Variants in ADAM12 observed in about 807,000 individuals in gnomAD.
The protein encoded by ADAM12 is disintegrin and metalloproteinase domain-containing protein 12.
ADAM12 carries 70 observed loss-of-function variants against 106.4 expected under a neutral mutation model. The ratio of observed to expected loss-of-function variants is 0.66; its 90% confidence interval spans 0.54 to 0.80. The LOEUF is 0.80. Among genes scored for constraint, ADAM12 ranks in the 30% least tolerant of loss-of-function variants. The probability of loss-of-function intolerance (pLI) is 0.00; values close to 1 mark genes in which losing one functional copy is unlikely to be tolerated. For missense variants in ADAM12, 1,010 were observed against 1,171.9 expected, an observed-to-expected ratio of 0.86 and a Z score of 2.02; for synonymous variants, 420 against 433.5, an observed-to-expected ratio of 0.97 and a Z score of 0.39.
chr10:126,192,219 A>T (rs1464116126), intron 3 of ADAM12, among the ~76,000 whole-genome samples: 1 of 152,212 alleles, frequency 6.6e-6, no homozygotes, highest in African/African-American at 2.4e-5. Flanking sequence ...TTTCATTTTA[A>T]AAATGAGGAC....
chr10:126,197,697 C>T (rs1410085419), intron 3 of ADAM12, among the ~76,000 whole-genome samples: 1 of 152,208 alleles, frequency 6.6e-6, no homozygotes, highest in Non-Finnish European at 1.5e-5. Context: ...GCCTGCCTGG[C>T]TGCATTTGGT....
At chr10:126,347,817 A>T (rs1855205153) in intron 1 of ADAM12, among the ~76,000 whole-genome samples, 1 of 152,234 alleles carries the variant, frequency 6.6e-6, no homozygotes, top group Non-Finnish European at 1.5e-5. Flanking sequence ...AATATTAAAC[A>T]GGTTTATTTC....
intron 2 of ADAM12, among the ~76,000 whole-genome samples, chr10:126,320,160 T>C (rs1854045886): frequency 6.6e-6 from 1 of 152,240 alleles, no homozygotes; most frequent in Non-Finnish European, 1.5e-5. Flanking sequence ...AAACTAAATT[T>C]AAATTCATTT....
intron 1 of ADAM12, among the ~76,000 whole-genome samples, chr10:126,338,409 C>T (rs1028242643): frequency 2.6e-5 from 4 of 151,442 alleles, no homozygotes; most frequent in Admixed American, 6.6e-5. Flanking sequence ...CCCGCCACTA[C>T]GCCCGGCTAA....
At chr10:126,036,062 A>C in intron 21 of ADAM12, 84 bp downstream of exon 21, 1 of 1,229,210 alleles carries the variant, frequency 8.1e-7, no homozygotes, top group Non-Finnish European at 1.0e-6. Flanking sequence ...CGAGAAGTTA[A>C]GCAACTTATC....
intron 14 of ADAM12, among the ~76,000 whole-genome samples, chr10:126,051,516 T>TCCAGCCAG (rs1954488088): frequency 5.6e-5 from 8 of 141,976 alleles, no homozygotes; most frequent in Admixed American, 2.1e-4. Context: ...CATCCATCCA[T>TCCAGCCAG]CCATCCAGCC....
chr10:126,127,294 A>T (rs1305231485), intron 5 of ADAM12, among the ~76,000 whole-genome samples: 1 of 152,228 alleles, frequency 6.6e-6, no homozygotes, highest in African/African-American at 2.4e-5. Flanking sequence ...GAGCACCACA[A>T]GTGCAAAGGT....
intron 3 of ADAM12, among the ~76,000 whole-genome samples, chr10:126,210,081 T>C (rs774602148): frequency 8.5e-5 from 13 of 152,244 alleles, no homozygotes; most frequent in Non-Finnish European, 1.5e-4. Flanking sequence ...CTCAACTCGA[T>C]GACTGAATCT....
chr10:126,263,029 C>G (rs1345475818), intron 3 of ADAM12, among the ~76,000 whole-genome samples: 8 of 152,178 alleles, frequency 5.3e-5, no homozygotes, highest in Admixed American at 3.9e-4. Context: ...CACTCAGCAC[C>G]ATGTGGAAGG....
chr10:126,369,997 G>A (rs1476574612), intron 1 of ADAM12, among the ~76,000 whole-genome samples: 3 of 152,140 alleles, frequency 2.0e-5, no homozygotes, highest in Non-Finnish European at 4.4e-5. Context: ...CCTTGATGAA[G>A]CAAGCTTCTA....
intron 2 of ADAM12, among the ~76,000 whole-genome samples, chr10:126,300,577 A>G (rs1214850054): frequency 6.6e-6 from 1 of 152,232 alleles, no homozygotes; most frequent in Non-Finnish European, 1.5e-5. Context: ...ACATTTTAAA[A>G]AGACGGTTTT....
chr10:126,045,469 A>C (rs11244783), intron 17 of ADAM12, among the ~76,000 whole-genome samples: 20,060 of 152,254 alleles, frequency 0.13, 1,410 homozygotes, highest in Middle Eastern at 0.28. Flanking sequence ...GGTTTCAGGA[A>C]AACAAATGAA....
intron 3 of ADAM12, among the ~76,000 whole-genome samples, chr10:126,165,805 T>G (rs556802297): frequency 6.6e-6 from 1 of 152,376 alleles, no homozygotes; most frequent in African/African-American, 2.4e-5. Flanking sequence ...GCTATTTCTC[T>G]TCACACGCAA....
chr10:126,320,015 C>G (rs1014509211), intron 2 of ADAM12, among the ~76,000 whole-genome samples: 4 of 152,050 alleles, frequency 2.6e-5, no homozygotes, highest in African/African-American at 9.7e-5. Flanking sequence ...GCATTCTCAA[C>G]GGGGATGAGC....
chr10:126,098,448 A>G lies in ADAM12; in HGVS notation c.964T>C (p.Cys322Arg). Residue 322 changes from cysteine to arginine, a missense_variant, in exon 10 of 23, where the codon TGC (cysteine) becomes CGC (arginine). This residue lies in a region of ADAM12 where 391 missense variants were observed against 442.9 expected (regional missense o/e 0.88). Coordinates refer to ENST00000448723, the MANE Select transcript of ADAM12 (RefSeq NM_001288973.2). ...TIGMAPIMSM[C>R]TADQSGGIVM... ...ATTCCCCCAGACTGGTCTGCCGTGC[A>G]CATGCTCATGATTGGGGCCATGCCG... 6.2e-7 allele frequency: 1 copy of G among 1,614,166 alleles called. No homozygotes were observed. Among genetic ancestry groups the G allele is most frequent in the Non-Finnish European group, 8.5e-7 (1 of 1,180,006 alleles).
intron 3 of ADAM12, among the ~76,000 whole-genome samples, chr10:126,270,529 T>G (rs1959170017): frequency 6.6e-6 from 1 of 152,222 alleles, no homozygotes; most frequent in African/African-American, 2.4e-5. Context: ...TTTATTTAAA[T>G]TAAACTTAAT....
chr10:126,193,932 A>G (rs973028816), intron 3 of ADAM12, among the ~76,000 whole-genome samples: 3 of 137,916 alleles, frequency 2.2e-5, no homozygotes, highest in African/African-American at 8.7e-5. Context: ...ATAAAATAAA[A>G]TAAAATAAAA....
chr10:126,055,718 G>A (rs957126770), intron 14 of ADAM12, among the ~76,000 whole-genome samples: 5 of 152,034 alleles, frequency 3.3e-5, no homozygotes, highest in East Asian at 1.9e-4. Flanking sequence ...TTTCCTCTTC[G>A]GAACCACCAA....
At chr10:126,135,776 T>A (rs1217563977) in intron 4 of ADAM12, 116 bp from the exon 5 acceptor site, 1 of 899,290 alleles carries the variant, frequency 1.1e-6, no homozygotes, top group African/African-American at 1.7e-5. Flanking sequence ...AAAATATTGT[T>A]CTACAGTCTT....
Sources: allele counts gnomAD v4.1 joint callset (sites outside exome capture counted in the v4.1 genomes callset), GRCh38; gene constraint gnomAD v4.1.1; regional missense constraint gnomAD v4.1.1; transcripts MANE v1.5; gene names NCBI Gene and HGNC (gene_info 2026-07-23, HGNC 2026-07-21).